The following XIAP variants were observed in gnomAD, a reference collection of about 807,000 sequenced individuals.
XIAP encodes E3 ubiquitin-protein ligase XIAP.
In XIAP, 3 loss-of-function variants were observed where a neutral mutation model predicts 33.1. That is an observed-to-expected ratio of 0.09 (90% CI 0.04 to 0.23). The LOEUF is 0.23. Ranked by LOEUF, XIAP falls within the 10% of genes least tolerant of loss-of-function variation. The pLI is 1.00. For missense variants in XIAP, 264 were observed against 363.0 expected (o/e 0.73, Z 2.22); for synonymous variants, 98 against 121.3 (o/e 0.81, Z 1.26).
chrX:123,903,643 G>GT lies in XIAP; in HGVS notation c.1300+2958dup, dbSNP rs1158342686. ...AGTTTTTTTTTTTGTTTTGTTTTTT[G>GT]TTTTTTTTAGATTTTAAAAAATTGT... On this transcript the variant is annotated intron_variant, in intron 6 of 6. Transcript: ENST00000371199. 3.1e-4 allele frequency among the ~76,000 whole-genome samples: 12 copies of GT among 38,427 alleles called. No homozygotes were observed. The South Asian group carries it at 0.012, about 37-fold the overall frequency. The allele number at this position is 38,427 out of a possible 115,157, so 33.4% of individuals were successfully genotyped here.
chrX:123,863,082 C>T (rs1284884529), intron 1 of XIAP, among the ~76,000 whole-genome samples: 4 of 107,973 alleles, frequency 3.7e-5, no homozygotes, highest in Non-Finnish European at 7.7e-5. Flanking sequence ...AGAGTGAGAC[C>T]CTGTCTCAAA....
intron 1 of XIAP, among the ~76,000 whole-genome samples, chrX:123,879,717 C>G (rs1188306199): frequency 8.9e-6 from 1 of 112,055 alleles, no homozygotes; most frequent in Non-Finnish European, 1.9e-5. Context: ...TTTAATATTA[C>G]TTTCCGAGTC....
At chrX:123,864,963 C>T (rs368534166) in intron 1 of XIAP, among the ~76,000 whole-genome samples, 6 of 103,489 alleles carry the variant, frequency 5.8e-5, no homozygotes, top group East Asian at 6.1e-4. Context: ...ATTACAGGCG[C>T]GAGCCATCAC....
chrX:123,864,988 C>G (rs2053121158), intron 1 of XIAP, among the ~76,000 whole-genome samples: 1 of 53,518 alleles, frequency 1.9e-5, no homozygotes, highest in South Asian at 8.3e-4. Flanking sequence ...GGCCGCCTTT[C>G]TTCTTTTTTT....
In XIAP at chrX:123,890,206, C is replaced by T. The variant is rs368218589; in HGVS notation, c.978-1032C>T. Among the ~76,000 whole-genome samples, 367 of 101,085 alleles carry T rather than the reference C, an allele frequency of 3.6e-3. 2 individuals are homozygous for T. The highest frequency in any genetic ancestry group is 0.013 in the African/African-American group (351 of 27,897). 87.8% of individuals were successfully genotyped at this position (101,085 alleles called of 115,157 possible). On this transcript the variant is annotated intron_variant, in intron 3 of 6. Coordinates refer to ENST00000371199, the MANE Select transcript of XIAP (RefSeq NM_001167.4). Reference sequence around the variant, plus strand: ...TAATTTTTTGTATTTTTACTAGAGACGGGGTTTCACCGTGTTAGCCAGGAT... The same window carrying T: ...TAATTTTTTGTATTTTTACTAGAGATGGGGTTTCACCGTGTTAGCCAGGAT...
At chrX:123,889,996 C>CTTTTTT (rs2053389561) in intron 3 of XIAP, among the ~76,000 whole-genome samples, 1 of 65,942 alleles carries the variant, frequency 1.5e-5, no homozygotes, top group Non-Finnish European at 2.7e-5. Context: ...CAGTTGTTCA[C>CTTTTTT]ATTTTTTTTT....
Position 123,909,195 on chromosome X carries a change from A to AT in XIAP, c.*2023dup, listed in dbSNP as rs1405783596. ...AGGCAGGTGCCACCATGCCCGACTA[A>AT]TTTTTTTTTATTTTTAGTAGAGACG... On this transcript the variant is annotated 3_prime_UTR_variant, in exon 7 of 7. Transcript: ENST00000371199. The AT allele has an allele frequency of 5.5e-5, 15 of 271,044 alleles. No homozygotes were observed. The highest frequency in any genetic ancestry group is 7.6e-5 in the Non-Finnish European group (11 of 145,694). The allele number at this position is 271,044 out of a possible 1,213,427, so 22.3% of individuals were successfully genotyped here.
At chrX:123,872,306 C>T (rs1013136557) in intron 1 of XIAP, among the ~76,000 whole-genome samples, 1 of 109,068 alleles carries the variant, frequency 9.2e-6, no homozygotes, top group Non-Finnish European at 1.9e-5. Flanking sequence ...AAAATTTTTC[C>T]ACAAGAAGTC....
intron 1 of XIAP, among the ~76,000 whole-genome samples, chrX:123,866,561 A>T (rs1344422791): frequency 1.0e-5 from 1 of 100,235 alleles, no homozygotes; most frequent in Non-Finnish European, 2.0e-5. Flanking sequence ...AATGTATGAT[A>T]TATATAATAT....
rs1192884500 is a variant in XIAP, at chrX:123,909,794, T to C, written c.*2613T>C. 3.0e-6 allele frequency: 1 copy of C among 328,048 alleles called. No individual in the cohort carries two copies. The highest frequency in any genetic ancestry group is 5.9e-6 in the Non-Finnish European group (1 of 169,749). 27.0% of individuals were successfully genotyped at this position (328,048 alleles called of 1,213,427 possible). A position where few individuals can be genotyped will look rare whatever the true frequency, so the allele number is the denominator to read the frequency against. On this transcript the variant is annotated 3_prime_UTR_variant, in exon 7 of 7. Transcript: ENST00000371199. ...TTTTAAGAATTGTTTAGAAATGCTG[T>C]TGCTTCAGGTTCTTAAAATCACTCA...
intron 1 of XIAP, chrX:123,873,770 T>C (rs1447717958): frequency 1.6e-5 from 1 of 60,813 alleles, no homozygotes; most frequent in South Asian, 8.1e-4. Context: ...CTACTAAAAA[T>C]AGAAAAAAAA....
intron 1 of XIAP, among the ~76,000 whole-genome samples, chrX:123,863,688 A>C (rs758547350): frequency 9.0e-6 from 1 of 110,695 alleles, no homozygotes; most frequent in South Asian, 3.9e-4. Context: ...TTGTATTTTC[A>C]GTGGAGACGG....
intron 6 of XIAP, among the ~76,000 whole-genome samples, chrX:123,902,588 G>C (rs2053523355): frequency 8.9e-6 from 1 of 111,968 alleles, no homozygotes; most frequent in African/African-American, 3.2e-5. Context: ...GTGTAACAGA[G>C]AATGCCCTAG....
At chrX:123,870,593 C>T (rs1189513450) in intron 1 of XIAP, among the ~76,000 whole-genome samples, 2 of 111,204 alleles carry the variant, frequency 1.8e-5, no homozygotes, top group African/African-American at 6.5e-5. Context: ...TTTGATCAGC[C>T]TGGGCAATAT....
intron 1 of XIAP, among the ~76,000 whole-genome samples, chrX:123,877,309 C>T (rs772556613): frequency 9.8e-5 from 11 of 111,692 alleles, no homozygotes; most frequent in South Asian, 3.7e-4. Context: ...TCAAGTGATC[C>T]GCCTGCCTCG....
chrX:123,884,311 C>T (rs1458322427), intron 1 of XIAP, among the ~76,000 whole-genome samples: 1 of 110,594 alleles, frequency 9.0e-6, no homozygotes, highest in Non-Finnish European at 1.9e-5. Flanking sequence ...TGGAGAAACC[C>T]CGTCTCTACT....
In XIAP at chrX:123,912,819, AT is replaced by A. The variant is rs767212056; in HGVS notation, c.*5646del. The A allele has an allele frequency of 1.9e-5, 6 of 317,361 alleles. No individual in the cohort carries two copies. The highest frequency in any genetic ancestry group is 3.3e-5 in the Admixed American group (1 of 30,147). 26.2% of individuals were successfully genotyped at this position (317,361 alleles called of 1,213,427 possible). On this transcript the variant is annotated 3_prime_UTR_variant, in exon 7 of 7. Coordinates refer to ENST00000371199, the MANE Select transcript of XIAP (RefSeq NM_001167.4). ...AGGCATGCTCCACGGTGCCCAGTTA[AT>A]TTTTTTTGTATTCTTAGTAGAGACA...
intron 6 of XIAP, among the ~76,000 whole-genome samples, chrX:123,901,695 T>G (rs935793076): frequency 1.8e-5 from 2 of 112,142 alleles, no homozygotes; most frequent in Non-Finnish European, 3.8e-5. Flanking sequence ...TATTTAAAAT[T>G]ATATTCATTG....
At chrX:123,903,227 T>G (rs1379306870) in intron 6 of XIAP, among the ~76,000 whole-genome samples, 2 of 98,166 alleles carry the variant, frequency 2.0e-5, no homozygotes, top group Non-Finnish European at 2.0e-5. Flanking sequence ...TCACTTTTGT[T>G]GCCCAGGCTG....
Sources: allele counts gnomAD v4.1 joint callset (sites outside exome capture counted in the v4.1 genomes callset), GRCh38; gene constraint gnomAD v4.1.1; transcripts MANE v1.5; gene names NCBI Gene and HGNC (gene_info 2026-07-23, HGNC 2026-07-21).